SPRED3: variants seen among roughly 807,000 people sequenced by gnomAD.
The protein encoded by SPRED3 is sprouty related EVH1 domain containing 3.
SPRED3 carries 23 observed loss-of-function variants against 37.6 expected under a neutral mutation model. The ratio of observed to expected loss-of-function variants is 0.61; its 90% confidence interval spans 0.44 to 0.87. SPRED3 has a LOEUF of 0.87. SPRED3 is among the 40% of genes least tolerant of loss of function. The pLI, the probability that SPRED3 is intolerant of heterozygous loss-of-function variation, is 0.00. For missense variants in SPRED3, 584 were observed against 618.6 expected, an observed-to-expected ratio of 0.94 and a Z score of 0.59; for synonymous variants, 302 against 279.6, an observed-to-expected ratio of 1.08 and a Z score of -0.80.
rs763453617 is a variant in SPRED3 at position 38,390,453 on chromosome 19, C to T, written c.151C>T (p.His51Tyr). 39 of 1,390,976 alleles carry T rather than the reference C, an allele frequency of 2.8e-5. No homozygotes were observed. Among genetic ancestry groups the T allele is most frequent in the Admixed American group, 3.5e-5 (1 of 28,304 alleles). The allele number at this position is 1,390,976 out of a possible 1,614,324, so 86.2% of individuals were successfully genotyped here. Residue 51 changes from histidine to tyrosine, a missense_variant, in exon 2 of 6, where the codon CAC becomes TAC. By Grantham distance (83) the His-to-Tyr change is moderately conservative (BLOSUM62 2). Around this residue, in one of 7 missense-constraint regions of SPRED3, gnomAD observed 88 missense variants for 77.0 expected, o/e 1.14. Coordinates refer to ENST00000691638, the MANE Select transcript of SPRED3 (RefSeq NM_001394336.1). ...GGCCCGCCAGGGGCACTACGTCATC[C>T]ACGGGGAACGCCTCCGGGACCAGAA... ...GGARQGHYVI[H>Y]GERLRDQKTT... is the part of the protein sequence containing the mutation.
intron 4 of SPRED3, among the ~76,000 whole-genome samples, chr19:38,394,037 C>A (rs563161842): frequency 1.9e-4 from 29 of 152,310 alleles, no homozygotes; most frequent in African/African-American, 7.0e-4. Flanking sequence ...TCTGGCACGT[C>A]GTGGGTGCTC....
chr19:38,391,904 C>G (rs965260964), intron 2 of SPRED3, 42 bp from the exon 3 acceptor site: 2 of 1,606,462 alleles, frequency 1.2e-6, no homozygotes, highest in Non-Finnish European at 1.7e-6. Flanking sequence ...ACAGGCATGT[C>G]TGGGTTGGGG....
intron 1 of SPRED3, chr19:38,389,577 G>T (rs1280806604): frequency 6.6e-6 from 1 of 152,366 alleles, no homozygotes; most frequent in Admixed American, 6.5e-5. Flanking sequence ...GCTGGGGCCT[G>T]GGGGAGCAGC....
chr19:38,390,468 C>T lies in SPRED3; in HGVS notation c.166C>T (p.Arg56Trp). Residue 56 changes from arginine to tryptophan, a missense_variant, in exon 2 of 6, where the codon CGG becomes TGG. Arg to Trp is a moderately radical substitution (Grantham distance 101). Around this residue, in one of 7 missense-constraint regions of SPRED3, gnomAD observed 88 missense variants for 77.0 expected, o/e 1.14. Coordinates refer to ENST00000691638, the MANE Select transcript of SPRED3 (RefSeq NM_001394336.1). Reference sequence around the variant, plus strand: ...CTACGTCATCCACGGGGAACGCCTCCGGGACCAGAAAGTGAGCCACCCTGG... The same window carrying T: ...CTACGTCATCCACGGGGAACGCCTCTGGGACCAGAAAGTGAGCCACCCTGG... ...GHYVIHGERL[R>W]DQKTTLECTL... 1 of 1,227,876 alleles carries T rather than the reference C, an allele frequency of 8.1e-7. No individual in the cohort carries two copies. Among genetic ancestry groups the T allele is most frequent in the Non-Finnish European group, 1.0e-6 (1 of 970,118 alleles). The allele number at this position is 1,227,876 out of a possible 1,614,324, so 76.1% of individuals were successfully genotyped here. A position where few individuals can be genotyped will look rare whatever the true frequency, so the allele number is the denominator to read the frequency against.
chr19:38,395,671 T>TC lies in SPRED3; in HGVS notation c.764dup (p.Ala256SerfsTer164). On this transcript the variant is annotated frameshift_variant, in exon 6 of 6. Coordinates refer to ENST00000691638, the MANE Select transcript of SPRED3 (RefSeq NM_001394336.1). LOFTEE classifies it high-confidence loss of function. The surrounding 1 kb of genome is among the most constrained non-coding windows in gnomAD (Gnocchi z 5.2). ...GCGCGTTGAGGGGCGCTGCCCTGGGTCCCCCAGCGGCACTACCTGCCCCTT... is the reference window on the plus strand; with the variant it reads ...GCGCGTTGAGGGGCGCTGCCCTGGGTCCCCCCAGCGGCACTACCTGCCCCTT... The TC allele has an allele frequency of 1.3e-6, 2 of 1,504,326 alleles. No individual in the cohort carries two copies. Among genetic ancestry groups the TC allele is most frequent in the Non-Finnish European group, 1.8e-6 (2 of 1,138,524 alleles). 93.2% of individuals were successfully genotyped at this position (1,504,326 alleles called of 1,614,324 possible). A position where few individuals can be genotyped will look rare whatever the true frequency, so the allele number is the denominator to read the frequency against.
rs1489921764 is a variant in SPRED3, at chr19:38,390,412, C to A, written c.110C>A (p.Ala37Asp). The A allele has an allele frequency of 1.4e-6, 2 of 1,392,540 alleles. No homozygotes were observed. The highest frequency in any genetic ancestry group is 1.5e-5 in the African/African-American group (1 of 66,588). The allele number at this position is 1,392,540 out of a possible 1,614,324, so 86.3% of individuals were successfully genotyped here. ...GTGAGCGTGTGTCGGGTCCGAGGGGCCAGGCCCGAGGGGGGGGCCCGCCAG... is the reference window on the plus strand; with the variant it reads ...GTGAGCGTGTGTCGGGTCCGAGGGGACAGGCCCGAGGGGGGGGCCCGCCAG... Reference protein sequence around the residue: ...SQVSVCRVRGARPEGGARQGH... With the variant: ...SQVSVCRVRGDRPEGGARQGH... The change falls in exon 2 of 6, where the codon GCC becomes GAC. Residue 37 changes from alanine (A) to aspartate (D), a missense_variant. Ala to Asp is a moderately radical substitution (Grantham distance 126). Around this residue, in one of 7 missense-constraint regions of SPRED3, gnomAD observed 88 missense variants for 77.0 expected, o/e 1.14. Coordinates refer to ENST00000691638, the MANE Select transcript of SPRED3 (RefSeq NM_001394336.1).
chr19:38,390,969 C>G (rs138926593), intron 2 of SPRED3, among the ~76,000 whole-genome samples: 1 of 151,768 alleles, frequency 6.6e-6, no homozygotes, highest in Non-Finnish European at 1.5e-5. Context: ...ACTGGGCTGT[C>G]GGGCACAATG....
Position 38,395,538 on chromosome 19 carries a change from G to A in SPRED3, c.626G>A (p.Gly209Glu). ...CCGGAACCCTCAGAGCCCCTGGCAG[G>A]GGCAGGGGGCCTGGGGTGGGGCGGC... The part of the protein sequence containing the change: ...GIPEPSEPLA[G>E]AGGLGWGGRG... Residue 209 changes from glycine (G) to glutamate (E), a missense_variant, in exon 6 of 6, where the codon GGG (glycine) becomes GAG (glutamate). This residue lies in a region of SPRED3 where 310 missense variants were observed against 281.1 expected (regional missense o/e 1.10). Coordinates refer to ENST00000691638, the MANE Select transcript of SPRED3 (RefSeq NM_001394336.1). The surrounding 1 kb of genome is among the most constrained non-coding windows in gnomAD (Gnocchi z 5.2). The A allele has an allele frequency of 6.5e-7, 1 of 1,547,532 alleles. No homozygotes were observed. Among genetic ancestry groups the A allele is most frequent in the Non-Finnish European group, 8.7e-7 (1 of 1,151,496 alleles).
Position 38,396,234 on chromosome 19 carries a change from C to A in SPRED3, c.*89C>A. The A allele has an allele frequency of 1.0e-6, 1 of 960,702 alleles. No homozygotes were observed. Among genetic ancestry groups the A allele is most frequent in the Non-Finnish European group, 1.3e-6 (1 of 748,952 alleles). 59.5% of individuals were successfully genotyped at this position (960,702 alleles called of 1,614,324 possible). ...CTCCGTTCGGACCTAAAACCCAAAC[C>A]TAGGCACATCCGGAACTTGGAGCTT... On this transcript the variant is annotated 3_prime_UTR_variant, in exon 6 of 6. Coordinates refer to ENST00000691638, the MANE Select transcript of SPRED3 (RefSeq NM_001394336.1).
chr19:38,391,060 T>C (rs1970826871), intron 2 of SPRED3, among the ~76,000 whole-genome samples: 1 of 150,846 alleles, frequency 6.6e-6, no homozygotes, highest in Non-Finnish European at 1.5e-5. Flanking sequence ...GGGGAAAGGT[T>C]TTTTTTTTGG....
In SPRED3 at chr19:38,395,536, AG is replaced by A; in HGVS notation, c.628del (p.Ala210GlnfsTer38). 6.5e-7 allele frequency: 1 copy of A among 1,542,882 alleles called. No homozygotes were observed. Among genetic ancestry groups the A allele is most frequent in the Non-Finnish European group, 8.7e-7 (1 of 1,149,972 alleles). ...GIPEPSEPLA[G>X]AGGLGWGGRG... is the part of the protein sequence containing the mutation. ...TTCCGGAACCCTCAGAGCCCCTGGC[AG>A]GGGCAGGGGGCCTGGGGTGGGGCGG... On this transcript the variant is annotated frameshift_variant, in exon 6 of 6. Coordinates refer to ENST00000691638, the MANE Select transcript of SPRED3 (RefSeq NM_001394336.1). LOFTEE classifies it high-confidence loss of function. The surrounding 1 kb of genome is among the most constrained non-coding windows in gnomAD (Gnocchi z 5.2).
rs144547741 is a variant in SPRED3 at position 38,396,654 on chromosome 19, C to T, written c.*509C>T. On this transcript the variant is annotated 3_prime_UTR_variant, in exon 6 of 6. Transcript: ENST00000691638. ...CCACAAACAGTTCCTGAATATTCACCTAAGACCTGGTGCCCCCACATCTGA... is the reference window on the plus strand; with the variant it reads ...CCACAAACAGTTCCTGAATATTCACTTAAGACCTGGTGCCCCCACATCTGA... 1,064 of 152,322 alleles carry T rather than the reference C, an allele frequency of 7.0e-3. 17 individuals carry two copies. Among genetic ancestry groups the T allele is most frequent in the African/African-American group, 0.025 (1,019 of 41,518 alleles). 9.4% of individuals were successfully genotyped at this position (152,322 alleles called of 1,614,324 possible).
intron 1 of SPRED3, chr19:38,389,707 C>T (rs1970801037): frequency 6.6e-6 from 1 of 151,530 alleles, no homozygotes; most frequent in Non-Finnish European, 1.5e-5. Context: ...TCTCCCTGTT[C>T]CCTGCCCATC....
intron 1 of SPRED3, among the ~76,000 whole-genome samples, chr19:38,389,245 C>T (rs1970791686): frequency 6.6e-6 from 1 of 152,170 alleles, no homozygotes. Flanking sequence ...CACAAAATCC[C>T]ATCCCATTGA....
At position 38,395,840 on chromosome 19, in the gene SPRED3, G is replaced by T; in HGVS notation, c.928G>T (p.Gly310Trp). 1 of 1,472,840 alleles carries T rather than the reference G, an allele frequency of 6.8e-7. No individual in the cohort carries two copies. The highest frequency in any genetic ancestry group is 2.9e-5 in the East Asian group (1 of 34,638). 91.2% of individuals were successfully genotyped at this position (1,472,840 alleles called of 1,614,324 possible). ...CRALFRRRAD[G>W]RGGRCAEAPD... Reference sequence around the variant, plus strand: ...CGCGCTCTTCCGTCGCAGAGCAGACGGGCGTGGCGGCCGCTGCGCAGAGGC... The same window carrying T: ...CGCGCTCTTCCGTCGCAGAGCAGACTGGCGTGGCGGCCGCTGCGCAGAGGC... The change falls in exon 6 of 6, where the codon GGG becomes TGG. Residue 310 changes from glycine (G) to tryptophan (W), a missense_variant. By Grantham distance (184) the Gly-to-Trp change is radical (BLOSUM62 -2). This residue lies in a region of SPRED3 where 67 missense variants were observed against 57.4 expected (regional missense o/e 1.17). Transcript: ENST00000691638. This position sits in a 1 kb window ranked among gnomAD's most constrained non-coding sequence, Gnocchi z 5.2.
chr19:38,393,952 C>T (rs553275857), intron 4 of SPRED3, among the ~76,000 whole-genome samples: 1 of 152,310 alleles, frequency 6.6e-6, no homozygotes, highest in African/African-American at 2.4e-5. Flanking sequence ...CAGTTCCCAT[C>T]CATGGAGCAC....
In SPRED3 at chr19:38,399,125, C is replaced by T. The variant is rs1269087749; in HGVS notation, c.*2980C>T. 1 of 144,290 alleles carries T rather than the reference C, an allele frequency of 6.9e-6. No individual in the cohort carries two copies. Among genetic ancestry groups the T allele is most frequent in the Non-Finnish European group, 1.5e-5 (1 of 65,294 alleles). The allele number at this position is 144,290 out of a possible 1,614,324, so 8.9% of individuals were successfully genotyped here. A position where few individuals can be genotyped will look rare whatever the true frequency, so the allele number is the denominator to read the frequency against. ...TACCTCGTTTTGGGGAGGGGTGGGACGGGGGACCAGAGTGCTGTACGGTGC... is the reference window on the plus strand; with the variant it reads ...TACCTCGTTTTGGGGAGGGGTGGGATGGGGGACCAGAGTGCTGTACGGTGC... On this transcript the variant is annotated 3_prime_UTR_variant, in exon 6 of 6. Transcript: ENST00000691638.
rs770298896 is a variant in SPRED3 at position 38,395,886 on chromosome 19, T to A, written c.974T>A (p.Leu325Gln). Residue 325 changes from leucine to glutamine, a missense_variant, in exon 6 of 6, where the codon CTG (leucine) becomes CAG (glutamine). Leu to Gln is a moderately radical substitution (Grantham distance 113). Transcript: ENST00000691638. The surrounding 1 kb of genome is among the most constrained non-coding windows in gnomAD (Gnocchi z 5.2). Reference protein sequence around the residue: ...CAEAPDPGRLLVRRLSCLWCA... With the variant: ...CAEAPDPGRLQVRRLSCLWCA... ...GAGGCCCCGGACCCGGGTCGCCTCC[T>A]GGTGCGCCGTCTAAGCTGCCTGTGG... 9.3e-6 allele frequency: 14 copies of A among 1,501,556 alleles called. No homozygotes were observed. The allele number at this position is 1,501,556 out of a possible 1,614,324, so 93.0% of individuals were successfully genotyped here.
rs1044756618 is a variant in SPRED3 at position 38,395,195 on chromosome 19, A to G, written c.568-285A>G. 2.0e-5 allele frequency among the ~76,000 whole-genome samples: 3 copies of G among 152,096 alleles called. No homozygotes were observed. Among genetic ancestry groups the G allele is most frequent in the Non-Finnish European group, 4.4e-5 (3 of 68,004 alleles). ...CTTTAAGGAGGAGGTGGCTGGGTCCAGAACCCCTGGATCTCAAGGTAGAGG... is the reference window on the plus strand; with the variant it reads ...CTTTAAGGAGGAGGTGGCTGGGTCCGGAACCCCTGGATCTCAAGGTAGAGG... On this transcript the variant is annotated intron_variant, in intron 5 of 5. Transcript: ENST00000691638. The surrounding 1 kb of genome is among the most constrained non-coding windows in gnomAD (Gnocchi z 5.2).
Sources: allele counts gnomAD v4.1 joint callset (sites outside exome capture counted in the v4.1 genomes callset), GRCh38; gene constraint gnomAD v4.1.1; regional missense constraint gnomAD v4.1.1; non-coding constraint Gnocchi (gnomAD v3.1); transcripts MANE v1.5; gene names NCBI Gene and HGNC (gene_info 2026-07-23, HGNC 2026-07-21).